The following KDM7A variants were observed in gnomAD, a reference collection of about 807,000 sequenced individuals.
KDM7A encodes the protein lysine demethylase 7A.
Under a neutral mutation model 114.8 loss-of-function variants are expected in KDM7A, and 28 were observed. The observed-to-expected ratio is 0.24, with a 90% confidence interval of 0.18 to 0.33. The LOEUF is 0.33. Among genes scored for constraint, KDM7A ranks in the 10% least tolerant of loss-of-function variants. The pLI is 1.00. For missense variants in KDM7A, 942 were observed against 1,142.5 expected (o/e 0.82, Z 2.53); for synonymous variants, 423 against 397.8 (o/e 1.06, Z -0.75).
chr7:140,133,696 CTGG>C (rs1218001907), intron 2 of KDM7A, 40 bp from the exon 3 acceptor site: 2 of 1,069,206 alleles, frequency 1.9e-6, no homozygotes, highest in Admixed American at 3.8e-5. Flanking sequence ...ATTTTGGTAA[CTGG>C]TGATACTATG....
intron 1 of KDM7A, among the ~76,000 whole-genome samples, chr7:140,164,652 T>C (rs140385612): frequency 6.6e-6 from 1 of 152,344 alleles, no homozygotes; most frequent in African/African-American, 2.4e-5. Flanking sequence ...TAGATATTAA[T>C]GTTATTAAGA....
chr7:140,175,312 G>A (rs187197137), intron 1 of KDM7A, among the ~76,000 whole-genome samples: 1 of 152,202 alleles, frequency 6.6e-6, no homozygotes, highest in South Asian at 2.1e-4. Context: ...CCCTGGACCA[G>A]TAGAGGGAGA....
intron 11 of KDM7A, among the ~76,000 whole-genome samples, chr7:140,104,404 T>C (rs1175844678): frequency 1.3e-5 from 2 of 152,234 alleles, no homozygotes; most frequent in African/African-American, 2.4e-5. Context: ...TGAATGGTAC[T>C]GCCTAGGTTT....
At chr7:140,165,829 G>A (rs1359518936) in intron 1 of KDM7A, among the ~76,000 whole-genome samples, 10 of 116,714 alleles carry the variant, frequency 8.6e-5, no homozygotes, top group Non-Finnish European at 1.5e-4. Context: ...CTTCCTTTAA[G>A]TGAAAAGTAA....
intron 1 of KDM7A, among the ~76,000 whole-genome samples, chr7:140,173,896 G>A (rs1794672810): frequency 6.6e-6 from 1 of 152,150 alleles, no homozygotes. Flanking sequence ...GGGCAGGGTG[G>A]CTCACACCTG....
At chr7:140,104,277 T>C (rs998531915) in intron 11 of KDM7A, among the ~76,000 whole-genome samples, 2 of 152,192 alleles carry the variant, frequency 1.3e-5, no homozygotes, top group African/African-American at 2.4e-5. Flanking sequence ...TTCACTTTGA[T>C]GGTAGTTTCT....
Position 140,113,493 on chromosome 7 carries a change from C to A in KDM7A, c.1336G>T (p.Glu446Ter). Residue 446 changes from glutamate (E) to a stop codon, truncating the protein, a stop_gained and splice_region_variant, in exon 10 of 20, where the codon GAA becomes TAA. Coordinates refer to ENST00000397560, the MANE Select transcript of KDM7A (RefSeq NM_030647.2). LOFTEE classifies it high-confidence loss of function. ...ATTTCACTGTTGAAACAACTTACTT[C>A]TTTTTTCATCCATAATTTTAAAGCA... is the stretch of plus-strand genomic sequence containing the variant. ...HTALKLWMKK[E>*]LVSEHAFEIP... is the part of the protein sequence containing the mutation. 6.4e-7 allele frequency: 1 copy of A among 1,555,702 alleles called. No homozygotes were observed. Among genetic ancestry groups the A allele is most frequent in the African/African-American group, 1.4e-5 (1 of 73,590 alleles).
chr7:140,126,836 A>C lies in KDM7A; in HGVS notation c.702-13T>G. The C allele has an allele frequency of 1.3e-6, 2 of 1,599,466 alleles. No homozygotes were observed. Among genetic ancestry groups the C allele is most frequent in the Non-Finnish European group, 1.7e-6 (2 of 1,168,554 alleles). On this transcript the variant is annotated splice_polypyrimidine_tract_variant and intron_variant, in intron 5 of 19. Transcript: ENST00000397560. ...CAATTCAGACATCCTTTCAAAAAAC[A>C]AACATACACACACACCCACATCATG...
chr7:140,166,395 A>G (rs1337191808), intron 1 of KDM7A, among the ~76,000 whole-genome samples: 1 of 137,498 alleles, frequency 7.3e-6, no homozygotes, highest in Non-Finnish European at 1.5e-5. Flanking sequence ...GCTGGAGTGC[A>G]CTGGTGGGAT....
At chr7:140,115,109 C>A (rs1005394133) in intron 9 of KDM7A, among the ~76,000 whole-genome samples, 1 of 151,898 alleles carries the variant, frequency 6.6e-6, no homozygotes, top group Non-Finnish European at 1.5e-5. Flanking sequence ...CGGCCAGCCA[C>A]CCCGTCTGGG....
chr7:140,115,803 T>TA (rs1818517052), intron 9 of KDM7A, among the ~76,000 whole-genome samples: 1 of 127,684 alleles, frequency 7.8e-6, no homozygotes, highest in African/African-American at 3.3e-5. Context: ...AAAAATAAAT[T>TA]TAAAAAAAAT....
At chr7:140,141,608 T>C (rs1362832986) in intron 1 of KDM7A, among the ~76,000 whole-genome samples, 2 of 152,072 alleles carry the variant, frequency 1.3e-5, no homozygotes, top group African/African-American at 4.8e-5. Context: ...AAAAAAGATA[T>C]ATTGGCCTAG....
intron 8 of KDM7A, 152 bp from the exon 9 acceptor site, chr7:140,119,371 G>C (rs575055197): frequency 4.1e-6 from 2 of 489,580 alleles, no homozygotes; most frequent in South Asian, 4.0e-5. Flanking sequence ...GGACAAGACT[G>C]AATTGTGATC....
chr7:140,164,160 G>T (rs1794549752), intron 1 of KDM7A, among the ~76,000 whole-genome samples: 1 of 152,152 alleles, frequency 6.6e-6, no homozygotes. Flanking sequence ...CCAATTTATA[G>T]GAAAGTGAGA....
At chr7:140,171,788 T>C (rs1481999276) in intron 1 of KDM7A, among the ~76,000 whole-genome samples, 1 of 151,988 alleles carries the variant, frequency 6.6e-6, no homozygotes, top group South Asian at 2.1e-4. Context: ...AGTATGCTCT[T>C]TTGTACTGGG....
Position 140,087,461 on chromosome 7 carries a change from T to G in KDM7A, c.*3633A>C, listed in dbSNP as rs971615935. 2.6e-5 allele frequency: 4 copies of G among 152,248 alleles called. No homozygotes were observed. The highest frequency in any genetic ancestry group is 4.4e-5 in the Non-Finnish European group (3 of 68,048). 9.4% of individuals were successfully genotyped at this position (152,248 alleles called of 1,614,324 possible). A position where few individuals can be genotyped will look rare whatever the true frequency, so the allele number is the denominator to read the frequency against. On this transcript the variant is annotated 3_prime_UTR_variant, in exon 20 of 20. Coordinates refer to ENST00000397560, the MANE Select transcript of KDM7A (RefSeq NM_030647.2). Reference sequence around the variant, plus strand: ...TAAAGTAGCATGCCCTGGGCATATATTTGATATAAAATAAACATCATGAAT... The same window carrying G: ...TAAAGTAGCATGCCCTGGGCATATAGTTGATATAAAATAAACATCATGAAT...
At position 140,097,040 on chromosome 7, in the gene KDM7A, A is replaced by T. The variant is rs1014114649; in HGVS notation, c.2024T>A (p.Ile675Asn). ...SGPECTALKS[I>N]FTTEESESSG... ...ACTTTCAGACTCTTCAGTGGTAAAG[A>T]TACTTTTCTGAGATGATAATTACAT... Residue 675 changes from isoleucine to asparagine, a missense_variant, in exon 16 of 20, where the codon ATC (isoleucine) becomes AAC (asparagine). Around this residue, in one of 4 missense-constraint regions of KDM7A, gnomAD observed 512 missense variants for 576.6 expected, o/e 0.89. Coordinates refer to ENST00000397560, the MANE Select transcript of KDM7A (RefSeq NM_030647.2). The T allele has an allele frequency of 6.2e-7, 1 of 1,610,252 alleles. No homozygotes were observed. Among genetic ancestry groups the T allele is most frequent in the Non-Finnish European group, 8.5e-7 (1 of 1,177,780 alleles).
At chr7:140,157,485 T>A (rs1218700173) in intron 1 of KDM7A, among the ~76,000 whole-genome samples, 1 of 152,118 alleles carries the variant, frequency 6.6e-6, no homozygotes, top group African/African-American at 2.4e-5. Context: ...AGACTCTGAC[T>A]CTACAAAAAT....
chr7:140,150,910 C>T (rs933733833), intron 1 of KDM7A, among the ~76,000 whole-genome samples: 1 of 149,550 alleles, frequency 6.7e-6, no homozygotes, highest in African/African-American at 2.5e-5. Flanking sequence ...CTCAATGCAA[C>T]CTCCGCCTCC....
Sources: allele counts gnomAD v4.1 joint callset (sites outside exome capture counted in the v4.1 genomes callset), GRCh38; gene constraint gnomAD v4.1.1; regional missense constraint gnomAD v4.1.1; transcripts MANE v1.5; gene names NCBI Gene and HGNC (gene_info 2026-07-23, HGNC 2026-07-21).